Variants in FTSJ3 observed in about 807,000 individuals in gnomAD.
FTSJ3 encodes pre-rRNA 2'-O-ribose RNA methyltransferase FTSJ3.
FTSJ3 carries 46 observed loss-of-function variants against 111.5 expected under a neutral mutation model. The observed-to-expected ratio is 0.41, with a 90% confidence interval of 0.33 to 0.53. The LOEUF is 0.53. Among genes scored for constraint, FTSJ3 ranks in the 20% least tolerant of loss-of-function variants. FTSJ3 has a pLI of 0.19. For missense variants in FTSJ3, 1,075 were observed against 1,063.8 expected, an observed-to-expected ratio of 1.01 and a Z score of -0.15; for synonymous variants, 408 against 383.0, an observed-to-expected ratio of 1.07 and a Z score of -0.76.
At position 63,827,568 on chromosome 17, in the gene FTSJ3, G is replaced by A. The variant is rs1201316299; in HGVS notation, c.-543C>T. 2 of 1,551,434 alleles carry A rather than the reference G, an allele frequency of 1.3e-6. No individual in the cohort carries two copies. Among genetic ancestry groups the A allele is most frequent in the African/African-American group, 2.7e-5 (2 of 73,158 alleles). On this transcript the variant is annotated 5_prime_UTR_variant, in exon 1 of 21. Transcript: ENST00000427159. ...GGTTACGGGGCTGGGTGCGGAGCGA[G>A]CGTGATCTGAGTGGAGAGCGGGCCG...
intron 19 of FTSJ3, 34 bp from the exon 20 acceptor site, chr17:63,820,207 A>AG: frequency 1.3e-5 from 4 of 310,962 alleles, no homozygotes; most frequent in South Asian, 2.9e-5. Context: ...CCTCTTCCCC[A>AG]TCCCCCCACC....
intron 12 of FTSJ3, 22 bp from the exon 13 acceptor site, chr17:63,823,974 G>C: frequency 6.2e-7 from 1 of 1,614,136 alleles, no homozygotes; most frequent in South Asian, 1.1e-5. Flanking sequence ...GATTGAGGGA[G>C]TAAAACCGGC....
intron 3 of FTSJ3, 63 bp downstream of exon 3, chr17:63,826,504 G>A: frequency 1.4e-6 from 2 of 1,395,708 alleles, no homozygotes. Flanking sequence ...GAAACTGGAA[G>A]CCATCCCAGC....
In FTSJ3 at chr17:63,821,135, C is replaced by CT. The variant is rs1044501341; in HGVS notation, c.1887-21dup. 5 of 1,611,858 alleles carry CT rather than the reference C, an allele frequency of 3.1e-6. No homozygotes were observed. The African/African-American group carries it at 4.0e-5, about 13-fold the overall frequency. On this transcript the variant is annotated intron_variant, in intron 16 of 20. Coordinates refer to ENST00000427159, the MANE Select transcript of FTSJ3 (RefSeq NM_017647.4). Reference sequence around the variant, plus strand: ...TCCCAGCTGTGAAGAGGGGAGGACTCTGAGTGATTCCACCACTCTGTACTA... The same window carrying CT: ...TCCCAGCTGTGAAGAGGGGAGGACTCTTGAGTGATTCCACCACTCTGTACTA...
At position 63,819,761 on chromosome 17, in the gene FTSJ3, C is replaced by G; in HGVS notation, c.*41G>C. On this transcript the variant is annotated 3_prime_UTR_variant, in exon 21 of 21. Transcript: ENST00000427159. ...CAGACTGAGCCATGCCACACCCTTCCTCCTAGTCCCCATGCTCTCCTGGGA... is the reference window on the plus strand; with the variant it reads ...CAGACTGAGCCATGCCACACCCTTCGTCCTAGTCCCCATGCTCTCCTGGGA... The G allele has an allele frequency of 1.9e-6, 3 of 1,568,218 alleles. No individual in the cohort carries two copies. The East Asian group carries it at 6.7e-5, about 35-fold the overall frequency.
In FTSJ3 at chr17:63,827,472, T is replaced by G. The variant is rs1423344903; in HGVS notation, c.-447A>C. On this transcript the variant is annotated 5_prime_UTR_variant, in exon 1 of 21. Coordinates refer to ENST00000427159, the MANE Select transcript of FTSJ3 (RefSeq NM_017647.4). ...GCCAAGACGGCTCGGATGCCGGCGGTCTCTGCTGAAGAGAGAAGATGGCGC... is the reference window on the plus strand; with the variant it reads ...GCCAAGACGGCTCGGATGCCGGCGGGCTCTGCTGAAGAGAGAAGATGGCGC... 1 of 1,551,650 alleles carries G rather than the reference T, an allele frequency of 6.4e-7. No individual in the cohort carries two copies.
In FTSJ3 at chr17:63,826,291, C is replaced by T. The variant is rs2040102666; in HGVS notation, c.187G>A (p.Ala63Thr). 1.2e-6 allele frequency: 2 copies of T among 1,614,052 alleles called. No homozygotes were observed. Among genetic ancestry groups the T allele is most frequent in the Non-Finnish European group, 8.5e-7 (1 of 1,180,006 alleles). The part of the protein sequence containing the change: ...AAPGGWLQVA[A>T]KFMPVSSLIV... ...AGGCTGGATACAGGCATAAACTTGGCAGCTACCTGCAGCCTATAAAAGGAA... is the reference window on the plus strand; with the variant it reads ...AGGCTGGATACAGGCATAAACTTGGTAGCTACCTGCAGCCTATAAAAGGAA... The change falls in exon 4 of 21, where the codon GCC (alanine) becomes ACC (threonine). Residue 63 changes from alanine to threonine, a missense_variant. This residue lies in a region of FTSJ3 where 208 missense variants were observed against 266.9 expected (regional missense o/e 0.78). Coordinates refer to ENST00000427159, the MANE Select transcript of FTSJ3 (RefSeq NM_017647.4).
Position 63,826,943 on chromosome 17 carries a change from G to C in FTSJ3, c.-26-15C>G. The C allele has an allele frequency of 6.5e-7, 1 of 1,542,238 alleles. No homozygotes were observed. Among genetic ancestry groups the C allele is most frequent in the South Asian group, 1.1e-5 (1 of 89,632 alleles). ...TATCCCTCAATCTGGGGAGAAAGTAGAAGTTGGGAACGTCTCTTTCCGGAG... is the reference window on the plus strand; with the variant it reads ...TATCCCTCAATCTGGGGAGAAAGTACAAGTTGGGAACGTCTCTTTCCGGAG... On this transcript the variant is annotated splice_polypyrimidine_tract_variant and intron_variant, in intron 1 of 20. Transcript: ENST00000427159.
chr17:63,819,918 T>G lies in FTSJ3; in HGVS notation c.2428A>C (p.Lys810Gln). 6.2e-7 allele frequency: 1 copy of G among 1,614,172 alleles called. No homozygotes were observed. The highest frequency in any genetic ancestry group is 8.5e-7 in the Non-Finnish European group (1 of 1,180,016). ...YVVAKKGVGRKVRRPAGVRGH... is the reference protein window; with the variant it reads ...YVVAKKGVGRQVRRPAGVRGH... ...CTGACTCCAGCTGGCCGGCGCACTT[T>G]GCGGCCCACACCTTTTTTGGCTACA... The change falls in exon 21 of 21, where the codon AAA (lysine) becomes CAA (glutamine). Residue 810 changes from lysine (K) to glutamine (Q), a missense_variant. Lys to Gln is a moderately conservative substitution (Grantham distance 53). Around this residue, in one of 2 missense-constraint regions of FTSJ3, gnomAD observed 867 missense variants for 796.9 expected, o/e 1.09. Transcript: ENST00000427159.
At position 63,827,573 on chromosome 17, in the gene FTSJ3, A is replaced by G; in HGVS notation, c.-548T>C. ...CGGGGCTGGGTGCGGAGCGAGCGTG[A>G]TCTGAGTGGAGAGCGGGCCGGGGCA... On this transcript the variant is annotated 5_prime_UTR_variant, in exon 1 of 21. Coordinates refer to ENST00000427159, the MANE Select transcript of FTSJ3 (RefSeq NM_017647.4). 6.4e-7 allele frequency: 1 copy of G among 1,550,682 alleles called. No homozygotes were observed.
Position 63,826,259 on chromosome 17 carries a change from C to T in FTSJ3, c.219G>A (p.Val73=). The change falls in exon 4 of 21, where the codon GTG becomes GTA. Residue 73 remains valine, a splice_region_variant and synonymous_variant. Transcript: ENST00000427159. ...CAAGGAGAGCTGTCCGTTACTCACC[C>T]ACAATAAGGCTGGATACAGGCATAA... ...AKFMPVSSLI[V]GVDLVPIKPL... 1 of 1,614,138 alleles carries T rather than the reference C, an allele frequency of 6.2e-7. No homozygotes were observed.
rs2040088107 is a variant in FTSJ3, at chr17:63,825,379, C to G, written c.458G>C (p.Ser153Thr). 1.2e-6 allele frequency: 2 copies of G among 1,614,224 alleles called. No homozygotes were observed. The highest frequency in any genetic ancestry group is 1.7e-6 in the Non-Finnish European group (2 of 1,180,040). ...AGAACGGAAAACCTTTGTGATGAAG[C>G]TGCCACCACGGGCCAAAAAGTCACA... Reference protein sequence around the residue: ...LACDFLARGGSFITKVFRSRD... With the variant: ...LACDFLARGGTFITKVFRSRD... Residue 153 changes from serine (S) to threonine (T), a missense_variant, in exon 7 of 21, where the codon AGC becomes ACC. This residue lies in a region of FTSJ3 where 208 missense variants were observed against 266.9 expected (regional missense o/e 0.78). Coordinates refer to ENST00000427159, the MANE Select transcript of FTSJ3 (RefSeq NM_017647.4).
At position 63,823,808 on chromosome 17, in the gene FTSJ3, C is replaced by T; in HGVS notation, c.1290+9G>A. On this transcript the variant is annotated intron_variant, in intron 13 of 20. Coordinates refer to ENST00000427159, the MANE Select transcript of FTSJ3 (RefSeq NM_017647.4). Reference sequence around the variant, plus strand: ...GTCTCCTAAACCTGCACCCCCAATGCCGCCTCACCTGGTGACCCCGGATGG... The same window carrying T: ...GTCTCCTAAACCTGCACCCCCAATGTCGCCTCACCTGGTGACCCCGGATGG... The T allele has an allele frequency of 6.2e-7, 1 of 1,612,998 alleles. No individual in the cohort carries two copies. The highest frequency in any genetic ancestry group is 8.5e-7 in the Non-Finnish European group (1 of 1,179,438).
In FTSJ3 at chr17:63,821,972, C is replaced by T. The variant is rs749342113; in HGVS notation, c.1475+12G>A. On this transcript the variant is annotated intron_variant, in intron 14 of 20. Coordinates refer to ENST00000427159, the MANE Select transcript of FTSJ3 (RefSeq NM_017647.4). ...GTGGCAGCATTCCCTTTGGTGCACA[C>T]GTGCCCCTTACCGCTTTTGGTCCCT... 1.4e-5 allele frequency: 22 copies of T among 1,613,592 alleles called. No individual in the cohort carries two copies. Among genetic ancestry groups the T allele is most frequent in the African/African-American group, 2.7e-5 (2 of 74,920 alleles).
chr17:63,821,279 A>C, intron 16 of FTSJ3, 75 bp downstream of exon 16: 1 of 1,528,738 alleles, frequency 6.5e-7, no homozygotes, highest in Admixed American at 1.9e-5. Context: ...AGCCAAGATT[A>C]AGAACCCCCA....
At position 63,819,738 on chromosome 17, in the gene FTSJ3, G is replaced by T; in HGVS notation, c.*64C>A. ...GCTAGGCCGGTAATCAAGGGGGCCA[G>T]ACTGAGCCATGCCACACCCTTCCTC... On this transcript the variant is annotated 3_prime_UTR_variant, in exon 21 of 21. Coordinates refer to ENST00000427159, the MANE Select transcript of FTSJ3 (RefSeq NM_017647.4). 6.8e-7 allele frequency: 1 copy of T among 1,471,532 alleles called. No individual in the cohort carries two copies. Among genetic ancestry groups the T allele is most frequent in the Non-Finnish European group, 9.3e-7 (1 of 1,081,046 alleles). 91.2% of individuals were successfully genotyped at this position (1,471,532 alleles called of 1,614,324 possible).
Position 63,819,830 on chromosome 17 carries a change from T to G in FTSJ3, c.2516A>C (p.Glu839Ala). ...CTTCCGTTTGTGTTTTTTCTTTTGT[T>G]CCTTACGTTGCTGTGCTCTTTGGTC... ...KKDQRAQQRKEQKKKHKRK is the reference protein window; with the variant it reads ...KKDQRAQQRKAQKKKHKRK Residue 839 changes from glutamate (E) to alanine (A), a missense_variant, in exon 21 of 21, where the codon GAA (glutamate) becomes GCA (alanine). Physicochemically the swap from Glu to Ala is moderately radical, Grantham distance 107. Coordinates refer to ENST00000427159, the MANE Select transcript of FTSJ3 (RefSeq NM_017647.4). 6.2e-7 allele frequency: 1 copy of G among 1,613,706 alleles called. No homozygotes were observed. The highest frequency in any genetic ancestry group is 8.5e-7 in the Non-Finnish European group (1 of 1,179,878).
chr17:63,819,956 T>C lies in FTSJ3; in HGVS notation c.2390A>G (p.His797Arg), dbSNP rs780609940. Residue 797 changes from histidine to arginine, a missense_variant, in exon 21 of 21, where the codon CAT (histidine) becomes CGT (arginine). By Grantham distance (29) the His-to-Arg change is conservative. This residue lies in a region of FTSJ3 where 867 missense variants were observed against 796.9 expected (regional missense o/e 1.09). Transcript: ENST00000427159. ...KKAGLGKEKR[H>R]VTYVVAKKGV... ...TTTTTTGGCTACAACGTAGGTGACATGGCGTTTCTCCTTGCCAAGCCCAGC... is the reference window on the plus strand; with the variant it reads ...TTTTTTGGCTACAACGTAGGTGACACGGCGTTTCTCCTTGCCAAGCCCAGC... 9 of 1,614,080 alleles carry C rather than the reference T, an allele frequency of 5.6e-6. No homozygotes were observed. The highest frequency in any genetic ancestry group is 7.6e-6 in the Non-Finnish European group (9 of 1,180,042).
chr17:63,824,800 A>AT, intron 9 of FTSJ3, 25 bp downstream of exon 9: 1 of 1,607,644 alleles, frequency 6.2e-7, no homozygotes, highest in South Asian at 1.1e-5. Flanking sequence ...GGGCTACCTC[A>AT]TGTCCCTCAA....
Sources: allele counts gnomAD v4.1 joint callset, GRCh38; gene constraint gnomAD v4.1.1; regional missense constraint gnomAD v4.1.1; transcripts MANE v1.5; gene names NCBI Gene and HGNC (gene_info 2026-07-23, HGNC 2026-07-21).